The following EYS variants were observed in gnomAD, a reference collection of about 807,000 sequenced individuals.
EYS encodes the protein protein eyes shut homolog.
Under a neutral mutation model 282.1 loss-of-function variants are expected in EYS, and 250 were observed. That is an observed-to-expected ratio of 0.89 (90% CI 0.80 to 0.98). EYS has a LOEUF of 0.98. Ranked by LOEUF, EYS falls within the 50% of genes least tolerant of loss-of-function variation. The probability of loss-of-function intolerance (pLI) is 0.00; values close to 1 mark genes in which losing one functional copy is unlikely to be tolerated. For missense variants in EYS, 4,016 were observed against 3,709.0 expected, an observed-to-expected ratio of 1.08 and a Z score of -2.15; for synonymous variants, 1,355 against 1,282.9, an observed-to-expected ratio of 1.06 and a Z score of -1.20.
intron 5 of EYS, among the ~76,000 whole-genome samples, chr6:65,488,714 T>C (rs570336039): frequency 3.3e-5 from 5 of 152,092 alleles, no homozygotes; most frequent in African/African-American, 4.8e-5. Flanking sequence ...TCATGCTACC[T>C]AACTTCAAAT....
intron 32 of EYS, among the ~76,000 whole-genome samples, chr6:64,067,796 C>T (rs1771429766): frequency 6.6e-6 from 1 of 152,032 alleles, no homozygotes; most frequent in Admixed American, 6.6e-5. Flanking sequence ...TTTGTTTTGG[C>T]TCAATGTTAT....
In EYS at chr6:64,135,068, T is replaced by C. The variant is rs1774114936; in HGVS notation, c.6425-53066A>G. ...CCGAACCTGTGGTATCTCTGGGATA[T>C]ACCTCAGTCTTTAGACTAAAGTAAG... On this transcript the variant is annotated intron_variant, in intron 31 of 42. Coordinates refer to ENST00000503581, the MANE Select transcript of EYS (RefSeq NM_001142800.2). Among the ~76,000 whole-genome samples the C allele has an allele frequency of 1.3e-5, 2 of 152,094 alleles. 1 individual carries two copies. The highest frequency in any genetic ancestry group is 4.1e-4 in the South Asian group (2 of 4,832).
At chr6:65,649,949 A>G (rs1366545936) in intron 1 of EYS, among the ~76,000 whole-genome samples, 1 of 152,210 alleles carries the variant, frequency 6.6e-6, no homozygotes, top group African/African-American at 2.4e-5. Context: ...ATTCTAAAAT[A>G]TTAGTTAAAT....
chr6:64,505,903 C>T lies in EYS; in HGVS notation c.5645-66551G>A, dbSNP rs150573061. On this transcript the variant is annotated intron_variant, in intron 26 of 42. Transcript: ENST00000503581. ...GTGTTATTTGGCATTGTTGAAGGCA[C>T]CTCAGTATGCTGATATGCTTGAGAA... Among the ~76,000 whole-genome samples the T allele has an allele frequency of 2.4e-3, 372 of 152,238 alleles. 3 individuals carry two copies. In the East Asian group the frequency reaches 0.031, roughly 13 times the overall value.
chr6:63,898,272 A>G (rs1170343780), intron 35 of EYS, among the ~76,000 whole-genome samples: 2 of 152,074 alleles, frequency 1.3e-5, no homozygotes, highest in Non-Finnish European at 2.9e-5. Flanking sequence ...GTGGGTCACG[A>G]GGTCAGGAGT....
intron 33 of EYS, among the ~76,000 whole-genome samples, chr6:64,018,410 A>T (rs1283743132): frequency 6.6e-6 from 1 of 152,108 alleles, no homozygotes; most frequent in Non-Finnish European, 1.5e-5. Context: ...TTCTCATCAA[A>T]TCTAAACTCT....
chr6:65,320,895 A>G (rs1355858320), intron 11 of EYS, among the ~76,000 whole-genome samples: 4 of 152,220 alleles, frequency 2.6e-5, no homozygotes, highest in African/African-American at 7.2e-5. Context: ...TAAGTGAGGC[A>G]ACTCCAGCAG....
At chr6:63,786,204 C>CAAA (rs1198772619) in intron 39 of EYS, 2 of 41,458 alleles carry the variant, frequency 4.8e-5, no homozygotes, top group East Asian at 8.3e-4. Flanking sequence ...CAGCGAGACT[C>CAAA]AAAAAAAAAA....
At chr6:65,183,298 A>G (rs1335093151) in intron 12 of EYS, among the ~76,000 whole-genome samples, 1 of 151,966 alleles carries the variant, frequency 6.6e-6, no homozygotes, top group Non-Finnish European at 1.5e-5. Flanking sequence ...ATCTGTCAAA[A>G]GGTCTCACTT....
chr6:64,434,591 T>C (rs1412442570), intron 28 of EYS, among the ~76,000 whole-genome samples: 2 of 152,084 alleles, frequency 1.3e-5, no homozygotes, highest in Middle Eastern at 3.2e-3. Flanking sequence ...TACATTTCTC[T>C]AGCATGGTTC....
chr6:64,180,955 G>T (rs1279130289), intron 31 of EYS, among the ~76,000 whole-genome samples: 1 of 151,992 alleles, frequency 6.6e-6, no homozygotes, highest in Non-Finnish European at 1.5e-5. Flanking sequence ...GCCCCACTCT[G>T]CCTCTCCACT....
intron 31 of EYS, among the ~76,000 whole-genome samples, chr6:64,157,231 T>A (rs1427735078): frequency 6.6e-6 from 1 of 152,122 alleles, no homozygotes; most frequent in African/African-American, 2.4e-5. Context: ...ACTCATCATT[T>A]CTTATGGCTG....
chr6:65,211,339 G>C (rs1766172150), intron 12 of EYS, among the ~76,000 whole-genome samples: 2 of 151,898 alleles, frequency 1.3e-5, no homozygotes, highest in Admixed American at 1.3e-4. Flanking sequence ...GTAGTTTGTA[G>C]AATCCCAACC....
chr6:65,041,274 G>T (rs1772927516), intron 13 of EYS, among the ~76,000 whole-genome samples: 1 of 151,728 alleles, frequency 6.6e-6, no homozygotes. Context: ...GGCTCACGTT[G>T]CAGGTGAATA....
At chr6:64,397,269 G>C (rs1201019440) in intron 28 of EYS, among the ~76,000 whole-genome samples, 1 of 151,958 alleles carries the variant, frequency 6.6e-6, no homozygotes, top group Non-Finnish European at 1.5e-5. Flanking sequence ...CAGTTAATAA[G>C]GGATAGACCT....
chr6:64,175,764 G>A (rs983177254), intron 31 of EYS, among the ~76,000 whole-genome samples: 3 of 152,020 alleles, frequency 2.0e-5, no homozygotes, highest in Admixed American at 6.6e-5. Context: ...TCACCCCAAC[G>A]GCAACTGTGG....
intron 37 of EYS, among the ~76,000 whole-genome samples, chr6:63,800,053 G>A (rs1314566103): frequency 6.6e-6 from 1 of 152,194 alleles, no homozygotes; most frequent in Non-Finnish European, 1.5e-5. Context: ...TAATTGTGGA[G>A]GATTGCTCAA....
chr6:65,576,432 C>T (rs959147540), intron 2 of EYS, among the ~76,000 whole-genome samples: 4 of 151,746 alleles, frequency 2.6e-5, no homozygotes, highest in African/African-American at 9.7e-5. Flanking sequence ...TGTACCTCAA[C>T]ACAACAAAGG....
chr6:65,663,785 C>T (rs368835505), intron 1 of EYS, among the ~76,000 whole-genome samples: 1 of 151,962 alleles, frequency 6.6e-6, no homozygotes, highest in East Asian at 1.9e-4. Context: ...GGGTTCAGGC[C>T]ATTTCCTGCC....
Sources: allele counts gnomAD v4.1 joint callset (sites outside exome capture counted in the v4.1 genomes callset), GRCh38; gene constraint gnomAD v4.1.1; transcripts MANE v1.5; gene names NCBI Gene and HGNC (gene_info 2026-07-23, HGNC 2026-07-21).